The following KCNIP4 variants were observed in gnomAD, a reference collection of about 807,000 sequenced individuals.
KCNIP4 encodes Kv channel-interacting protein 4.
In KCNIP4, 12 loss-of-function variants were observed where a neutral mutation model predicts 34.0. That is an observed-to-expected ratio of 0.35 (90% CI 0.23 to 0.57). The LOEUF (loss-of-function observed/expected upper bound fraction) is 0.57, where lower values mean the gene tolerates loss of function less well. KCNIP4 is among the 20% of genes least tolerant of loss of function. The pLI, the probability that KCNIP4 is intolerant of heterozygous loss-of-function variation, is 0.83. For missense variants in KCNIP4, 238 were observed against 311.7 expected, an observed-to-expected ratio of 0.76 and a Z score of 1.78; for synonymous variants, 124 against 102.2, an observed-to-expected ratio of 1.21 and a Z score of -1.29.
At chr4:21,407,997 C>T (rs1461790645) in intron 1 of KCNIP4, among the ~76,000 whole-genome samples, 3 of 152,148 alleles carry the variant, frequency 2.0e-5, no homozygotes, top group Non-Finnish European at 4.4e-5. Context: ...CTCTCTAGGC[C>T]ACAGCTGTCT....
intron 1 of KCNIP4, chr4:21,848,663 A>G (rs1724173324): frequency 6.6e-6 from 1 of 152,136 alleles, no homozygotes; most frequent in South Asian, 2.1e-4. Context: ...TAAGGGCCTA[A>G]TTCTCTCAAG....
intron 1 of KCNIP4, among the ~76,000 whole-genome samples, chr4:21,523,414 T>C (rs1735708722): frequency 6.6e-6 from 1 of 152,144 alleles, no homozygotes; most frequent in Non-Finnish European, 1.5e-5. Context: ...TAGTCATAAA[T>C]AATATTCCCT....
intron 1 of KCNIP4, among the ~76,000 whole-genome samples, chr4:21,383,419 C>T (rs1721710190): frequency 6.7e-6 from 1 of 149,256 alleles, no homozygotes; most frequent in Non-Finnish European, 1.5e-5. Flanking sequence ...TATGGGACAC[C>T]TACCCTTAAT....
intron 1 of KCNIP4, among the ~76,000 whole-genome samples, chr4:20,938,199 G>T (rs1437351400): frequency 3.5e-5 from 5 of 142,644 alleles, no homozygotes; most frequent in African/African-American, 1.3e-4. Context: ...AATTTTGCTA[G>T]TTTTTTTTTT....
At chr4:21,719,401 A>G (rs1277297119) in intron 1 of KCNIP4, among the ~76,000 whole-genome samples, 2 of 152,136 alleles carry the variant, frequency 1.3e-5, no homozygotes, top group Non-Finnish European at 2.9e-5. Context: ...CAGCATTTTT[A>G]TATGTTCTCC....
At chr4:20,810,949 T>C (rs992463918) in intron 3 of KCNIP4, among the ~76,000 whole-genome samples, 1 of 152,148 alleles carries the variant, frequency 6.6e-6, no homozygotes, top group Non-Finnish European at 1.5e-5. Context: ...GACAGAGGCA[T>C]TGATGATACA....
chr4:21,852,893 A>T (rs1724498229), intron 1 of KCNIP4: 2 of 152,194 alleles, frequency 1.3e-5, no homozygotes, highest in Non-Finnish European at 2.9e-5. Context: ...CCTTACTGTT[A>T]CAATTCCCCA....
At chr4:21,741,421 A>C (rs1716394850) in intron 1 of KCNIP4, among the ~76,000 whole-genome samples, 1 of 152,170 alleles carries the variant, frequency 6.6e-6, no homozygotes, top group Admixed American at 6.5e-5. Flanking sequence ...CCAGAAATCC[A>C]AGGCATGTCC....
intron 1 of KCNIP4, among the ~76,000 whole-genome samples, chr4:21,123,848 GC>G (rs1750376851): frequency 6.6e-6 from 1 of 152,074 alleles, no homozygotes; most frequent in African/African-American, 2.4e-5. Flanking sequence ...TGTATAGCAA[GC>G]ATGTGGCTGT....
At chr4:21,170,758 C>T (rs1317239404) in intron 1 of KCNIP4, among the ~76,000 whole-genome samples, 1 of 152,090 alleles carries the variant, frequency 6.6e-6, no homozygotes, top group Admixed American at 6.5e-5. Flanking sequence ...ATATTTATAA[C>T]ATATATGATA....
At chr4:21,083,426 A>C (rs1435991290) in intron 1 of KCNIP4, among the ~76,000 whole-genome samples, 1 of 151,868 alleles carries the variant, frequency 6.6e-6, no homozygotes, top group East Asian at 1.9e-4. Flanking sequence ...GATGAAATTA[A>C]GGATCTTCAA....
chr4:21,592,943 AC>A (rs1276907026), intron 1 of KCNIP4, among the ~76,000 whole-genome samples: 1 of 152,164 alleles, frequency 6.6e-6, no homozygotes, highest in Non-Finnish European at 1.5e-5. Context: ...TGAGGCCTCC[AC>A]TAAAATAAGA....
chr4:21,619,446 T>C (rs937232956), intron 1 of KCNIP4, among the ~76,000 whole-genome samples: 1 of 152,196 alleles, frequency 6.6e-6, no homozygotes, highest in Non-Finnish European at 1.5e-5. Flanking sequence ...TTTGATCATA[T>C]CCTTGTTGTT....
intron 1 of KCNIP4, among the ~76,000 whole-genome samples, chr4:21,885,597 C>T (rs1176725299): frequency 6.6e-6 from 1 of 151,998 alleles, no homozygotes; most frequent in Admixed American, 6.6e-5. Context: ...TTTTTATAAC[C>T]AAATCTCCTT....
chr4:21,744,895 C>T (rs1017720321), intron 1 of KCNIP4, among the ~76,000 whole-genome samples: 2 of 152,260 alleles, frequency 1.3e-5, no homozygotes, highest in East Asian at 1.9e-4. Context: ...AGTTTGCAAA[C>T]TATATTTTCT....
chr4:21,121,581 A>T (rs1031157390), intron 1 of KCNIP4, among the ~76,000 whole-genome samples: 1 of 152,262 alleles, frequency 6.6e-6, no homozygotes, highest in African/African-American at 2.4e-5. Context: ...AACATGTTTT[A>T]TTAAAATACT....
At chr4:21,199,630 T>C (rs1756322042) in intron 1 of KCNIP4, among the ~76,000 whole-genome samples, 1 of 151,934 alleles carries the variant, frequency 6.6e-6, no homozygotes, top group Non-Finnish European at 1.5e-5. Flanking sequence ...GTTTTAGTCA[T>C]GAAGTCCTTG....
intron 1 of KCNIP4, among the ~76,000 whole-genome samples, chr4:21,703,745 T>C (rs1577874779): frequency 6.6e-6 from 1 of 152,216 alleles, no homozygotes. Context: ...AATAAAAAGA[T>C]GATTTAAATA....
At chr4:21,455,513 T>C (rs977875900) in intron 1 of KCNIP4, among the ~76,000 whole-genome samples, 14 of 151,904 alleles carry the variant, frequency 9.2e-5, no homozygotes, top group Non-Finnish European at 1.6e-4. Context: ...ACTTGATTTA[T>C]ACAACAGATA....
Sources: gnomAD v4.1 joint callset for allele counts (sites outside exome capture counted in the v4.1 genomes callset) on GRCh38, gnomAD v4.1.1 for gene constraint, MANE v1.5 for transcripts, NCBI Gene and HGNC (gene_info 2026-07-23, HGNC 2026-07-21) for gene names.